Variants in GABPB2 observed in about 807,000 individuals in gnomAD.
GABPB2 encodes GA-binding protein subunit beta-2.
A neutral mutation model predicts 39.1 loss-of-function variants in GABPB2; 23 were observed. That is an observed-to-expected ratio of 0.59 (90% CI 0.42 to 0.83). GABPB2 has a LOEUF of 0.83. Among genes scored for constraint, GABPB2 ranks in the 40% least tolerant of loss-of-function variants. The pLI is 0.00. For missense variants in GABPB2, 467 were observed against 541.1 expected (o/e 0.86, Z 1.36); for synonymous variants, 184 against 199.3 (o/e 0.92, Z 0.65).
At position 151,119,992 on chromosome 1, in the gene GABPB2, C is replaced by T. The variant is rs587745358; in HGVS notation, c.*1736C>T. On this transcript the variant is annotated 3_prime_UTR_variant, in exon 9 of 9. Coordinates refer to ENST00000368918, the MANE Select transcript of GABPB2 (RefSeq NM_144618.3). ...CTGGAAAGCCGAGGCGAGCGGATCACCTGAGGCCAGGAGTTCCAGACCAGC... is the reference window on the plus strand; with the variant it reads ...CTGGAAAGCCGAGGCGAGCGGATCATCTGAGGCCAGGAGTTCCAGACCAGC... 2.0e-5 allele frequency: 3 copies of T among 151,932 alleles called. No homozygotes were observed. Among genetic ancestry groups the T allele is most frequent in the African/African-American group, 7.2e-5 (3 of 41,402 alleles). 9.4% of individuals were successfully genotyped at this position (151,932 alleles called of 1,614,324 possible). A position where few individuals can be genotyped will look rare whatever the true frequency, so the allele number is the denominator to read the frequency against.
chr1:151,084,525 C>T (rs1173328491), intron 1 of GABPB2, among the ~76,000 whole-genome samples: 1 of 147,924 alleles, frequency 6.8e-6, no homozygotes, highest in Non-Finnish European at 1.5e-5. Flanking sequence ...CGCGCCCGGC[C>T]CTAGCTGTTT....
intron 5 of GABPB2, 66 bp downstream of exon 5, chr1:151,098,068 G>A (rs2101520075): frequency 7.5e-7 from 1 of 1,331,360 alleles, no homozygotes; most frequent in Non-Finnish European, 1.1e-6. Flanking sequence ...GATTTTCCAG[G>A]AGATGAATGG....
intron 5 of GABPB2, among the ~76,000 whole-genome samples, chr1:151,102,288 T>C (rs1679586866): frequency 6.6e-6 from 1 of 152,100 alleles, no homozygotes. Flanking sequence ...GCTACTGCAC[T>C]CCAGCCTGGG....
At chr1:151,072,532 G>T (rs1676816081) in intron 1 of GABPB2, among the ~76,000 whole-genome samples, 1 of 151,860 alleles carries the variant, frequency 6.6e-6, no homozygotes, top group South Asian at 2.1e-4. Context: ...CTGGACCACA[G>T]AGTGAGGCCC....
At chr1:151,078,558 A>C (rs1415686481) in intron 1 of GABPB2, among the ~76,000 whole-genome samples, 1 of 151,678 alleles carries the variant, frequency 6.6e-6, no homozygotes, top group East Asian at 1.9e-4. Flanking sequence ...GCGCCACTGC[A>C]CTCTAGCCTG....
chr1:151,083,767 A>G lies in GABPB2; in HGVS notation c.1-4423A>G, dbSNP rs12090912. ...TTGTTATTATTATTTTTTGAGATGG[A>G]GTCTTGCTGTGTCACCCAGATTGAA... is the stretch of plus-strand genomic sequence containing the variant. On this transcript the variant is annotated intron_variant, in intron 1 of 8. Transcript: ENST00000368918. 7.6e-3 allele frequency among the ~76,000 whole-genome samples: 1,139 copies of G among 150,684 alleles called. 12 individuals carry two copies. The highest frequency in any genetic ancestry group is 0.024 in the African/African-American group (986 of 41,230).
rs201831450 is a variant in GABPB2, at chr1:151,080,868, TA to T, written c.1-7316del. Among the ~76,000 whole-genome samples the T allele has an allele frequency of 4.7e-3, 658 of 140,956 alleles. 10 individuals are homozygous for T. Among genetic ancestry groups the T allele is most frequent in the African/African-American group, 0.016 (628 of 39,640 alleles). The allele number at this position is 140,956 out of a possible 152,430, so 92.5% of individuals were successfully genotyped here. The stretch of plus-strand genomic sequence containing the variant: ...AAGACTATGTCTCACAAAAAAAAAA[TA>T]AAAAAGAAAGGTTTTTTTTTTGAGA... On this transcript the variant is annotated intron_variant, in intron 1 of 8. Transcript: ENST00000368918.
At chr1:151,096,739 G>C (rs1479076735) in intron 4 of GABPB2, among the ~76,000 whole-genome samples, 1 of 152,036 alleles carries the variant, frequency 6.6e-6, no homozygotes, top group Non-Finnish European at 1.5e-5. Flanking sequence ...ATTCTCTCAG[G>C]AATTTTTTCA....
At chr1:151,103,102 T>C (rs989846405) in intron 5 of GABPB2, among the ~76,000 whole-genome samples, 12 of 138,436 alleles carry the variant, frequency 8.7e-5, no homozygotes, top group African/African-American at 3.3e-4. Context: ...CAGGCTGAAG[T>C]GCAATGGTGT....
At chr1:151,075,638 G>A (rs897933455) in intron 1 of GABPB2, among the ~76,000 whole-genome samples, 5 of 151,218 alleles carry the variant, frequency 3.3e-5, no homozygotes, top group Non-Finnish European at 7.4e-5. Flanking sequence ...CAACCTGGGA[G>A]GCGGAAGTTG....
chr1:151,078,461 C>T lies in GABPB2; in HGVS notation c.-1+7527C>T, dbSNP rs928894418. Reference sequence around the variant, plus strand: ...CCAAAAAATTAGCCGGGCATGGTGGCGGGTGCCTGTAGTCCCAGCCACTCA... The same window carrying T: ...CCAAAAAATTAGCCGGGCATGGTGGTGGGTGCCTGTAGTCCCAGCCACTCA... On this transcript the variant is annotated intron_variant, in intron 1 of 8. Coordinates refer to ENST00000368918, the MANE Select transcript of GABPB2 (RefSeq NM_144618.3). Among the ~76,000 whole-genome samples, 38 of 151,442 alleles carry T rather than the reference C, an allele frequency of 2.5e-4. 1 individual carries two copies. Among genetic ancestry groups the T allele is most frequent in the African/African-American group, 8.2e-4 (34 of 41,314 alleles).
intron 1 of GABPB2, among the ~76,000 whole-genome samples, chr1:151,074,266 C>T (rs1489620437): frequency 4.0e-5 from 6 of 148,888 alleles, no homozygotes; most frequent in South Asian, 2.1e-4. Flanking sequence ...TGAGCCACCG[C>T]GCCCGGCTGG....
intron 5 of GABPB2, among the ~76,000 whole-genome samples, chr1:151,099,839 A>C (rs1679379068): frequency 1.3e-5 from 2 of 152,196 alleles, no homozygotes; most frequent in South Asian, 4.1e-4. Context: ...ATTGGGATAT[A>C]ATAATACCTA....
chr1:151,117,721 T>C (rs1364733191), intron 8 of GABPB2, among the ~76,000 whole-genome samples: 1 of 152,134 alleles, frequency 6.6e-6, no homozygotes, highest in African/African-American at 2.4e-5. Context: ...GTAGCTGGGA[T>C]TACAGGCACC....
At chr1:151,105,866 C>G (rs1388050769) in intron 6 of GABPB2, among the ~76,000 whole-genome samples, 1 of 152,078 alleles carries the variant, frequency 6.6e-6, no homozygotes, top group African/African-American at 2.4e-5. Context: ...TATCAAACTT[C>G]AATATTTTGA....
At chr1:151,076,067 T>A (rs587617638) in intron 1 of GABPB2, among the ~76,000 whole-genome samples, 1 of 152,300 alleles carries the variant, frequency 6.6e-6, no homozygotes, top group East Asian at 1.9e-4. Context: ...AGGTGATATC[T>A]GGAAGATTAA....
At chr1:151,074,193 T>G (rs2102990375) in intron 1 of GABPB2, among the ~76,000 whole-genome samples, 1 of 151,576 alleles carries the variant, frequency 6.6e-6, no homozygotes, top group African/African-American at 2.4e-5. Flanking sequence ...GCCAAGATGG[T>G]CTCGATCTCC....
chr1:151,090,043 A>T (rs1010759197), intron 2 of GABPB2, among the ~76,000 whole-genome samples: 4 of 151,922 alleles, frequency 2.6e-5, no homozygotes, highest in Non-Finnish European at 4.4e-5. Flanking sequence ...GTTCAAAGCA[A>T]TTCTCCCTGC....
chr1:151,106,577 A>G (rs1679984169), intron 6 of GABPB2, among the ~76,000 whole-genome samples: 1 of 151,820 alleles, frequency 6.6e-6, no homozygotes, highest in Non-Finnish European at 1.5e-5. Context: ...GCCTCAAGTG[A>G]TTCGCCCATC....
Sources: gnomAD v4.1 joint callset for allele counts (sites outside exome capture counted in the v4.1 genomes callset) on GRCh38, gnomAD v4.1.1 for gene constraint, MANE v1.5 for transcripts, NCBI Gene and HGNC (gene_info 2026-07-23, HGNC 2026-07-21) for gene names.